The following COMMD7 variants were observed in gnomAD, a reference collection of about 807,000 sequenced individuals.
COMMD7 encodes the protein COMM domain-containing protein 7.
In COMMD7, 28 loss-of-function variants were observed where a neutral mutation model predicts 34.8. The ratio of observed to expected loss-of-function variants is 0.80; its 90% confidence interval spans 0.60 to 1.10. COMMD7 has a LOEUF of 1.10. Ranked by LOEUF, COMMD7 falls within the 50% of genes least tolerant of loss-of-function variation. The probability of loss-of-function intolerance (pLI) is 0.00; values close to 1 mark genes in which losing one functional copy is unlikely to be tolerated. For missense variants in COMMD7, 211 were observed against 241.6 expected (o/e 0.87, Z 0.84); for synonymous variants, 80 against 86.4 (o/e 0.93, Z 0.41).
rs145188552 is a variant in COMMD7, at chr20:32,734,107, G to A, written c.85-5965C>T. Among the ~76,000 whole-genome samples the A allele has an allele frequency of 6.4e-3, 971 of 151,102 alleles. 12 individuals carry two copies. The highest frequency in any genetic ancestry group is 0.023 in the African/African-American group (942 of 41,040). On this transcript the variant is annotated intron_variant, in intron 1 of 8. Coordinates refer to ENST00000278980, the MANE Select transcript of COMMD7 (RefSeq NM_053041.3). The stretch of plus-strand genomic sequence containing the variant: ...GAGGCAGGAGAATGGTGTGAACCTG[G>A]AAGGCAGAGCTTGTGGTGAGCCCAG...
At chr20:32,722,120 C>G (rs1299370423) in intron 3 of COMMD7, among the ~76,000 whole-genome samples, 1 of 151,294 alleles carries the variant, frequency 6.6e-6, no homozygotes, top group African/African-American at 2.4e-5. Flanking sequence ...TGGTGCATGC[C>G]TGTAGTTCCA....
intron 1 of COMMD7, among the ~76,000 whole-genome samples, chr20:32,732,169 A>C (rs1382996808): frequency 6.6e-6 from 1 of 152,124 alleles, no homozygotes; most frequent in African/African-American, 2.4e-5. Context: ...TGGAGCCTCC[A>C]ACCTCTTGGG....
intron 3 of COMMD7, among the ~76,000 whole-genome samples, chr20:32,726,818 A>G (rs2064933): frequency 0.69 from 105,545 of 152,048 alleles, 37,312 homozygotes; most frequent in Middle Eastern, 0.82. Flanking sequence ...TCTCTGGAAT[A>G]TTCTGGTTCA....
Position 32,728,010 on chromosome 20 carries a change from C to A in COMMD7, c.139-15G>T. The A allele has an allele frequency of 6.2e-7, 1 of 1,612,976 alleles. No homozygotes were observed. The highest frequency in any genetic ancestry group is 8.5e-7 in the Non-Finnish European group (1 of 1,179,020). On this transcript the variant is annotated splice_polypyrimidine_tract_variant and intron_variant, in intron 2 of 8. Transcript: ENST00000278980. ...AATCTTTCCACCTGCAGAGAGAGAA[C>A]AGTGAAAACCCGGGCCTTCACTTTC...
intron 1 of COMMD7, among the ~76,000 whole-genome samples, chr20:32,735,020 C>A (rs1339423287): frequency 6.6e-6 from 1 of 151,938 alleles, no homozygotes; most frequent in East Asian, 2.0e-4. Flanking sequence ...GGTGGATCAC[C>A]TTTGGTCAGG....
intron 1 of COMMD7, 40 bp downstream of exon 1, chr20:32,743,268 C>G (rs1292650020): frequency 2.9e-5 from 21 of 730,862 alleles, no homozygotes; most frequent in Non-Finnish European, 4.5e-5. Context: ...ATCCTGGAAT[C>G]ACCTGGGCCC....
chr20:32,718,064 C>T (rs1188892541), intron 3 of COMMD7, among the ~76,000 whole-genome samples: 6 of 146,022 alleles, frequency 4.1e-5, no homozygotes, highest in South Asian at 2.2e-4. Context: ...ACTCGAGCCT[C>T]GGCGACAGAG....
chr20:32,710,404 C>T (rs1010231809), intron 3 of COMMD7, among the ~76,000 whole-genome samples: 4 of 151,996 alleles, frequency 2.6e-5, no homozygotes, highest in Admixed American at 2.0e-4. Flanking sequence ...AATAAAAGCA[C>T]GTTGAATGCA....
chr20:32,727,087 G>T (rs1985550939), intron 3 of COMMD7, among the ~76,000 whole-genome samples: 1 of 146,604 alleles, frequency 6.8e-6, no homozygotes, highest in South Asian at 2.2e-4. Context: ...CATTAGCCAG[G>T]CAGGGTGGTG....
chr20:32,714,423 G>A (rs960415701), intron 3 of COMMD7, among the ~76,000 whole-genome samples: 9 of 152,016 alleles, frequency 5.9e-5, no homozygotes, highest in South Asian at 2.1e-4. Flanking sequence ...GGCCGGGCAC[G>A]GTGGTTGTAA....
At chr20:32,706,299 G>A (rs1037960255) in intron 5 of COMMD7, among the ~76,000 whole-genome samples, 8 of 151,658 alleles carry the variant, frequency 5.3e-5, no homozygotes, top group Non-Finnish European at 1.0e-4. Context: ...GGATCACAAT[G>A]TCAGGAGTTC....
chr20:32,722,838 G>A (rs1384264961), intron 3 of COMMD7, among the ~76,000 whole-genome samples: 2 of 150,674 alleles, frequency 1.3e-5, no homozygotes, highest in African/African-American at 2.4e-5. Context: ...TGGCTAACAC[G>A]GTGAAACCCC....
rs1219930210 is a variant in COMMD7 at position 32,704,800 on chromosome 20, T to C, written c.427+14A>G. The C allele has an allele frequency of 1.3e-6, 2 of 1,592,052 alleles. No individual in the cohort carries two copies. Among genetic ancestry groups the C allele is most frequent in the African/African-American group, 1.3e-5 (1 of 74,584 alleles). On this transcript the variant is annotated intron_variant, in intron 6 of 8. Coordinates refer to ENST00000278980, the MANE Select transcript of COMMD7 (RefSeq NM_053041.3). The stretch of plus-strand genomic sequence containing the variant: ...TACCACCCAAATAACCCAGGACTGG[T>C]TGTAACTAGTTACCTCCAAATTTCC...
intron 8 of COMMD7, 98 bp downstream of exon 8, chr20:32,703,925 G>GT (rs1280428252): frequency 6.3e-7 from 1 of 1,593,260 alleles, no homozygotes; most frequent in Admixed American, 1.7e-5. Flanking sequence ...GGCAATGACT[G>GT]TTTTTATAGA....
chr20:32,708,460 G>C (rs546633555), intron 3 of COMMD7, among the ~76,000 whole-genome samples: 1 of 152,012 alleles, frequency 6.6e-6, no homozygotes, highest in East Asian at 1.9e-4. Context: ...AAATCAGACT[G>C]AGCAAGGAAG....
At chr20:32,704,535 A>G in intron 6 of COMMD7, 46 bp from the exon 7 acceptor site, 1 of 1,583,668 alleles carries the variant, frequency 6.3e-7, no homozygotes, top group Non-Finnish European at 8.6e-7. Context: ...AGAAATAACA[A>G]GTGACTGATT....
chr20:32,725,426 G>GTT (rs1299213390), intron 3 of COMMD7, among the ~76,000 whole-genome samples: 121 of 89,570 alleles, frequency 1.4e-3, no homozygotes, highest in African/African-American at 3.9e-3. Flanking sequence ...TCTATACTGT[G>GTT]TTTTGTTTTT....
intron 5 of COMMD7, among the ~76,000 whole-genome samples, chr20:32,706,185 C>T (rs572754337): frequency 2.8e-5 from 4 of 142,918 alleles, no homozygotes; most frequent in Non-Finnish European, 4.5e-5. Flanking sequence ...GCAACGAGAG[C>T]GAAACTCTGT....
At chr20:32,720,166 C>G (rs1192934291) in intron 3 of COMMD7, among the ~76,000 whole-genome samples, 4 of 152,188 alleles carry the variant, frequency 2.6e-5, no homozygotes, top group Admixed American at 2.6e-4. Flanking sequence ...CACTGGTATG[C>G]TGAGTTCCTC....
Sources: gnomAD v4.1 joint callset for allele counts (sites outside exome capture counted in the v4.1 genomes callset) on GRCh38, gnomAD v4.1.1 for gene constraint, MANE v1.5 for transcripts, NCBI Gene and HGNC (gene_info 2026-07-23, HGNC 2026-07-21) for gene names.